Variants in ARFIP1 observed in about 807,000 individuals in gnomAD.
The protein encoded by ARFIP1 is arfaptin-1.
ARFIP1 carries 24 observed loss-of-function variants against 42.5 expected under a neutral mutation model. The ratio of observed to expected loss-of-function variants is 0.57; its 90% CI spans 0.41 to 0.80. The LOEUF (loss-of-function observed/expected upper bound fraction) is 0.80, where lower values mean the gene tolerates loss of function less well. Among genes scored for constraint, ARFIP1 ranks in the 30% least tolerant of loss-of-function variants. ARFIP1 has a pLI of 0.00. For synonymous variants in ARFIP1, 141 were observed against 153.7 expected (o/e 0.92, Z 0.61); for missense variants, 354 against 434.0 (o/e 0.82, Z 1.64).
At chr4:152,844,369 T>C (rs568002518) in intron 2 of ARFIP1, among the ~76,000 whole-genome samples, 188 of 152,340 alleles carry the variant, frequency 1.2e-3, no homozygotes, top group Middle Eastern at 3.4e-3. Context: ...AGCTAAAATT[T>C]ACAATGAAAA....
At chr4:152,855,241 A>G (rs925552737) in intron 2 of ARFIP1, among the ~76,000 whole-genome samples, 1 of 152,092 alleles carries the variant, frequency 6.6e-6, no homozygotes, top group Non-Finnish European at 1.5e-5. Flanking sequence ...TGGGCTGGGC[A>G]ATGCTGTGGC....
At chr4:152,873,221 C>T (rs1735038066) in intron 5 of ARFIP1, among the ~76,000 whole-genome samples, 1 of 152,172 alleles carries the variant, frequency 6.6e-6, no homozygotes, top group African/African-American at 2.4e-5. Flanking sequence ...GATGAAAGCC[C>T]TAGCAGCTCA....
chr4:152,788,289 T>C (rs1410217611), intron 1 of ARFIP1, among the ~76,000 whole-genome samples: 1 of 152,248 alleles, frequency 6.6e-6, no homozygotes, highest in Non-Finnish European at 1.5e-5. Flanking sequence ...ACAGTATTCT[T>C]ACACTATTTT....
At chr4:152,862,698 A>G (rs1733988768) in intron 2 of ARFIP1, among the ~76,000 whole-genome samples, 1 of 152,242 alleles carries the variant, frequency 6.6e-6, no homozygotes, top group African/African-American at 2.4e-5. Flanking sequence ...ATAAAGGTAA[A>G]TAGAAAAGTG....
intron 8 of ARFIP1, among the ~76,000 whole-genome samples, chr4:152,889,514 TATATATATATATATATATATAC>T (rs1272356377): frequency 1.8e-4 from 14 of 79,732 alleles, no homozygotes; most frequent in African/African-American, 3.4e-4. Flanking sequence ...TATATATATA[TATATATATATATATATATATAC>T]ACCTATTTTT....
intron 1 of ARFIP1, among the ~76,000 whole-genome samples, chr4:152,821,746 G>A (rs866409865): frequency 6.6e-6 from 1 of 152,244 alleles, no homozygotes; most frequent in South Asian, 2.1e-4. Flanking sequence ...TTAGACAAAA[G>A]CATCAGGTAA....
intron 2 of ARFIP1, among the ~76,000 whole-genome samples, chr4:152,840,920 G>A (rs180939390): frequency 1.6e-4 from 24 of 150,778 alleles, no homozygotes; most frequent in African/African-American, 4.6e-4. Context: ...GGGTTTCACC[G>A]TGTTGGCCAG....
rs201569210 is a variant in ARFIP1 at position 152,804,488 on chromosome 4, T to TTATA, written c.-10+24271_-10+24274dup. On this transcript the variant is annotated intron_variant, in intron 1 of 8. Coordinates refer to ENST00000353617, the MANE Select transcript of ARFIP1 (RefSeq NM_001025595.3). ...ATATAATATATATAATATATATTAT[T>TTATA]TATATATATATAATATATATATATA... is the stretch of plus-strand genomic sequence containing the variant. Among the ~76,000 whole-genome samples the TTATA allele has an allele frequency of 3.8e-4, 34 of 90,484 alleles. No homozygotes were observed. The East Asian group carries it at 7.9e-3, about 21-fold the overall frequency. 59.4% of individuals were successfully genotyped at this position (90,484 alleles called of 152,430 possible). A position where few individuals can be genotyped will look rare whatever the true frequency, so the allele number is the denominator to read the frequency against.
At chr4:152,874,116 A>G (rs1043249180) in intron 5 of ARFIP1, among the ~76,000 whole-genome samples, 6 of 151,848 alleles carry the variant, frequency 4.0e-5, no homozygotes, top group Non-Finnish European at 2.9e-5. Context: ...TTCATTGTTC[A>G]TTATCTATTT....
chr4:152,848,350 G>A lies in ARFIP1; in HGVS notation c.94-15256G>A, dbSNP rs146319089. Among the ~76,000 whole-genome samples, 15 of 152,226 alleles carry A rather than the reference G, an allele frequency of 9.9e-5. No individual in the cohort carries two copies. The East Asian group carries it at 2.5e-3, about 25-fold the overall frequency. On this transcript the variant is annotated intron_variant, in intron 2 of 8. Coordinates refer to ENST00000353617, the MANE Select transcript of ARFIP1 (RefSeq NM_001025595.3). The stretch of plus-strand genomic sequence containing the variant: ...AATGAATGTTTATTCACGTAAGAAC[G>A]AGGACGAGGACTAGAAACCAGATTT...
chr4:152,780,934 C>T (rs1730449023), intron 1 of ARFIP1, among the ~76,000 whole-genome samples: 1 of 152,138 alleles, frequency 6.6e-6, no homozygotes, highest in Non-Finnish European at 1.5e-5. Context: ...CCTTTGATTT[C>T]AAAAAGTTTA....
intron 8 of ARFIP1, among the ~76,000 whole-genome samples, chr4:152,902,586 G>T (rs1160115299): frequency 1.3e-5 from 2 of 152,182 alleles, no homozygotes; most frequent in Non-Finnish European, 2.9e-5. Context: ...GTTTCCAAAA[G>T]TTAGTGCTCC....
intron 3 of ARFIP1, among the ~76,000 whole-genome samples, chr4:152,869,563 C>T (rs1734700196): frequency 6.6e-6 from 1 of 151,860 alleles, no homozygotes; most frequent in Non-Finnish European, 1.5e-5. Flanking sequence ...AGTCCGTCTA[C>T]CTCAACCTCT....
At chr4:152,909,258 A>G (rs1275436346) in intron 8 of ARFIP1, among the ~76,000 whole-genome samples, 1 of 152,012 alleles carries the variant, frequency 6.6e-6, no homozygotes, top group East Asian at 1.9e-4. Context: ...GGTGGTGCAC[A>G]CTTGTAATCC....
chr4:152,906,411 T>A (rs1416100556), intron 8 of ARFIP1, among the ~76,000 whole-genome samples: 1 of 152,236 alleles, frequency 6.6e-6, no homozygotes, highest in African/African-American at 2.4e-5. Context: ...CTTCATTCTT[T>A]CAGTTGCTTG....
rs113283723 is a variant in ARFIP1, at chr4:152,804,289, T to C, written c.-10+24063T>C. ...TATATTATATATATAACATAACATG[T>C]ATTATATATATTATATATATATAAC... On this transcript the variant is annotated intron_variant, in intron 1 of 8. Transcript: ENST00000353617. Among the ~76,000 whole-genome samples, 2 of 68,896 alleles carry C rather than the reference T, an allele frequency of 2.9e-5. 1 individual carries two copies. Among genetic ancestry groups the C allele is most frequent in the Non-Finnish European group, 5.1e-5 (2 of 39,178 alleles). 45.2% of individuals were successfully genotyped at this position (68,896 alleles called of 152,430 possible).
chr4:152,863,510 A>G (rs1734051717), intron 2 of ARFIP1, 96 bp from the exon 3 acceptor site: 2 of 693,484 alleles, frequency 2.9e-6, no homozygotes, highest in Non-Finnish European at 4.9e-6. Flanking sequence ...GAGAAAAATA[A>G]TCTAAGATTT....
chr4:152,874,091 TGTTTA>T (rs1232560060), intron 5 of ARFIP1, among the ~76,000 whole-genome samples: 3 of 152,358 alleles, frequency 2.0e-5, no homozygotes, highest in African/African-American at 7.2e-5. Context: ...CCTTTCATGT[TGTTTA>T]GTTGATGTTT....
intron 3 of ARFIP1, among the ~76,000 whole-genome samples, chr4:152,867,072 C>A (rs1734454695): frequency 1.3e-5 from 2 of 149,920 alleles, no homozygotes; most frequent in Admixed American, 1.3e-4. Flanking sequence ...GGCAGAGACG[C>A]TCCTCACTTC....
Sources: gnomAD v4.1 joint callset for allele counts (sites outside exome capture counted in the v4.1 genomes callset) on GRCh38, gnomAD v4.1.1 for gene constraint, MANE v1.5 for transcripts, NCBI Gene and HGNC (gene_info 2026-07-23, HGNC 2026-07-21) for gene names.